DNA2: variants seen among roughly 807,000 people sequenced by gnomAD.
The protein encoded by DNA2 is DNA replication ATP-dependent helicase/nuclease DNA2.
DNA2 carries 101 observed loss-of-function variants against 119.1 expected under a neutral mutation model. The observed-to-expected ratio is 0.85, with a 90% CI of 0.72 to 1.00. DNA2 has a LOEUF of 1.00. Among genes scored for constraint, DNA2 ranks in the 50% least tolerant of loss-of-function variants. The pLI is 0.00. For synonymous variants in DNA2, 366 were observed against 424.4 expected (o/e 0.86, Z 1.69); for missense variants, 1,121 against 1,255.5 (o/e 0.89, Z 1.62).
At chr10:68,420,943 CTT>C (rs879453019) in intron 17 of DNA2, among the ~76,000 whole-genome samples, 7 of 143,882 alleles carry the variant, frequency 4.9e-5, no homozygotes, top group African/African-American at 5.1e-5. Context: ...AAAAATAAAG[CTT>C]TTTTTTTTTT....
chr10:68,437,052 C>G lies in DNA2; in HGVS notation c.1605G>C (p.Val535=). The G allele has an allele frequency of 6.2e-7, 1 of 1,613,420 alleles. No homozygotes were observed. Among genetic ancestry groups the G allele is most frequent in the East Asian group, 2.2e-5 (1 of 44,864 alleles). Residue 535 remains valine, a synonymous_variant, in exon 10 of 21, where the codon GTG becomes GTC. Transcript: ENST00000358410. ...TTACTGTTGTCATGTTAATCTCCTTCACATATCCTCTAGACAAAGCAAACA... is the reference window on the plus strand; with the variant it reads ...TTACTGTTGTCATGTTAATCTCCTTGACATATCCTCTAGACAAAGCAAACA... ...RSLFALSRGY[V]KEINMTTVTC... is the part of the protein sequence containing the mutation.
intron 13 of DNA2, 26 bp from the exon 14 acceptor site, chr10:68,430,686 A>C: frequency 6.9e-7 from 1 of 1,440,306 alleles, no homozygotes; most frequent in East Asian, 2.4e-5. Flanking sequence ...AGAAAAAAGA[A>C]AAAACAGCCT....
intron 1 of DNA2, among the ~76,000 whole-genome samples, chr10:68,471,192 TAGGTTCTATTATTTTGC>T (rs2052377555): frequency 6.6e-6 from 1 of 152,162 alleles, no homozygotes; most frequent in Non-Finnish European, 1.5e-5. Flanking sequence ...TACCTGACCG[TAGGTTCTATTATTTTGC>T]AAACGCTTTA....
chr10:68,432,138 AG>A, intron 12 of DNA2, 67 bp downstream of exon 12: 1 of 1,211,000 alleles, frequency 8.3e-7, no homozygotes, highest in Non-Finnish European at 1.2e-6. Context: ...TCAAGATATT[AG>A]ACTACAGTAT....
At chr10:68,460,034 C>CACACACACAA (rs1358399209) in intron 4 of DNA2, among the ~76,000 whole-genome samples, 3 of 144,380 alleles carry the variant, frequency 2.1e-5, no homozygotes, top group African/African-American at 8.5e-5. Context: ...CACAAATACA[C>CACACACACAA]ACACACACAC....
At position 68,431,983 on chromosome 10, in the gene DNA2, T is replaced by C. The variant is rs2051828509; in HGVS notation, c.1874-12A>G. 1 of 1,567,890 alleles carries C rather than the reference T, an allele frequency of 6.4e-7. No individual in the cohort carries two copies. Among genetic ancestry groups the C allele is most frequent in the Middle Eastern group, 1.7e-4 (1 of 5,952 alleles). On this transcript the variant is annotated splice_polypyrimidine_tract_variant and intron_variant, in intron 12 of 20. Transcript: ENST00000358410. ...AGGCTTATTCAAACCTACATTTAAA[T>C]TCAAAAATAACAGGAAAAAGAGTGT... is the stretch of plus-strand genomic sequence containing the variant.
At chr10:68,437,376 C>T in intron 9 of DNA2, 135 bp from the exon 10 acceptor site, 1 of 755,500 alleles carries the variant, frequency 1.3e-6, no homozygotes, top group East Asian at 2.8e-5. Flanking sequence ...TGGCTCACGC[C>T]TGTAATCCCA....
At chr10:68,424,658 G>A (rs142709690) in intron 14 of DNA2, 25 of 1,606,530 alleles carry the variant, frequency 1.6e-5, no homozygotes, top group Middle Eastern at 1.7e-4. Flanking sequence ...TGTCATCCCC[G>A]CTCTCCAAGG....
At chr10:68,435,042 T>C (rs963712245) in intron 10 of DNA2, among the ~76,000 whole-genome samples, 1 of 151,656 alleles carries the variant, frequency 6.6e-6, no homozygotes, top group African/African-American at 2.4e-5. Flanking sequence ...GATATTGGTC[T>C]CTGCCACAAT....
rs761371672 is a variant in DNA2 at position 68,419,910 on chromosome 10, C to T, written c.2698-18G>A. On this transcript the variant is annotated intron_variant, in intron 17 of 20. Transcript: ENST00000358410. ...GCTGGAACCTAAGTGGAAAAATATA[C>T]AGCCTGCTGATAATACAATCTCTAA... 1.9e-6 allele frequency: 3 copies of T among 1,603,848 alleles called. No homozygotes were observed. The African/African-American group carries it at 4.0e-5, about 21-fold the overall frequency.
intron 14 of DNA2, among the ~76,000 whole-genome samples, chr10:68,429,360 C>G (rs994573868): frequency 6.6e-6 from 1 of 151,518 alleles, no homozygotes; most frequent in African/African-American, 2.4e-5. Context: ...GCCTGACCAA[C>G]ACGGAGAAAC....
rs79065196 is a variant in DNA2 at position 68,451,596 on chromosome 10, T to TA, written c.720-1350dup. Among the ~76,000 whole-genome samples, 20 of 151,980 alleles carry TA rather than the reference T, an allele frequency of 1.3e-4. 1 individual carries two copies. In the South Asian group the frequency reaches 1.9e-3, roughly 14 times the overall value. ...TACTAAATCTAGTGGAAATCTTACA[T>TA]AAAAAAAGATGACTTTTCTAGTAAT... On this transcript the variant is annotated intron_variant, in intron 5 of 20. Coordinates refer to ENST00000358410, the MANE Select transcript of DNA2 (RefSeq NM_001080449.3).
intron 14 of DNA2, chr10:68,424,623 C>A: frequency 1.3e-6 from 2 of 1,526,162 alleles, no homozygotes; most frequent in Non-Finnish European, 1.8e-6. Context: ...CTTCCATGCC[C>A]CCTTGCACGT....
intron 4 of DNA2, among the ~76,000 whole-genome samples, chr10:68,463,638 C>CA (rs1268550326): frequency 1.4e-5 from 2 of 147,772 alleles, no homozygotes; most frequent in Admixed American, 6.8e-5. Context: ...CACTGCACTC[C>CA]AGCCTGAACG....
chr10:68,444,451 G>A (rs905235719), intron 8 of DNA2, among the ~76,000 whole-genome samples: 6 of 151,822 alleles, frequency 4.0e-5, no homozygotes, highest in African/African-American at 1.4e-4. Context: ...TTAGCTGGGC[G>A]CGGTGGCTCA....
intron 7 of DNA2, among the ~76,000 whole-genome samples, chr10:68,445,284 G>T (rs1387741689): frequency 6.6e-6 from 1 of 152,106 alleles, no homozygotes; most frequent in East Asian, 1.9e-4. Flanking sequence ...AACCAACACG[G>T]TGAAACCCCG....
Position 68,416,724 on chromosome 10 carries a change from T to G in DNA2, c.3099A>C (p.Leu1033Phe). The change falls in exon 20 of 21, where the codon TTA (leucine) becomes TTC (phenylalanine). Residue 1033 changes from leucine (L) to phenylalanine (F), a missense_variant. Physicochemically the swap from Leu to Phe is conservative, Grantham distance 22. Transcript: ENST00000358410. Reference protein sequence around the residue: ...YPPLEKLLNHLNSEKLIIDLP... With the variant: ...YPPLEKLLNHFNSEKLIIDLP... The stretch of plus-strand genomic sequence containing the variant: ...AAAAGGATATTAATTTTTCTGAGTT[T>G]AAATGATTAAGCAGCTTCTCCAAAG... 1 of 1,613,652 alleles carries G rather than the reference T, an allele frequency of 6.2e-7. No homozygotes were observed. The highest frequency in any genetic ancestry group is 1.6e-4 in the Middle Eastern group (1 of 6,062).
chr10:68,423,525 CT>C (rs1349901461), intron 14 of DNA2, among the ~76,000 whole-genome samples: 1 of 152,210 alleles, frequency 6.6e-6, no homozygotes, highest in South Asian at 2.1e-4. Context: ...AGACAGAAAA[CT>C]TTCACACAAT....
chr10:68,437,058 T>G lies in DNA2; in HGVS notation c.1599A>C (p.Gly533=), dbSNP rs760514766. 2 of 1,613,338 alleles carry G rather than the reference T, an allele frequency of 1.2e-6. No homozygotes were observed. Among genetic ancestry groups the G allele is most frequent in the East Asian group, 2.2e-5 (1 of 44,864 alleles). ...EERSLFALSR[G]YVKEINMTTV... is the part of the protein sequence containing the mutation. ...TTGTCATGTTAATCTCCTTCACATA[T>G]CCTCTAGACAAAGCAAACAGTGACC... The change falls in exon 10 of 21, where the codon GGA becomes GGC. Residue 533 remains glycine (G), a synonymous_variant. Transcript: ENST00000358410.
Sources: allele counts gnomAD v4.1 joint callset (sites outside exome capture counted in the v4.1 genomes callset), GRCh38; gene constraint gnomAD v4.1.1; transcripts MANE v1.5; gene names NCBI Gene and HGNC (gene_info 2026-07-23, HGNC 2026-07-21).